WDR49: variants seen among roughly 807,000 people sequenced by gnomAD.
WDR49 encodes the protein WD repeat domain 49.
A neutral mutation model predicts 119.5 loss-of-function variants in WDR49; 107 were observed. The ratio of observed to expected loss-of-function variants is 0.90; its 90% CI spans 0.77 to 1.05. WDR49 has a LOEUF of 1.05. WDR49 is among the 50% of genes least tolerant of loss of function. The pLI is 0.00. For synonymous variants in WDR49, 425 were observed against 418.8 expected, an observed-to-expected ratio of 1.01 and a Z score of -0.18; for missense variants, 1,240 against 1,220.5, an observed-to-expected ratio of 1.02 and a Z score of -0.24.
At chr3:167,634,813 T>C (rs1717538593) in intron 2 of WDR49, among the ~76,000 whole-genome samples, 1 of 152,022 alleles carries the variant, frequency 6.6e-6, no homozygotes, top group East Asian at 1.9e-4. Context: ...ATGCTTATTA[T>C]AGAAAATGAA....
intron 7 of WDR49, among the ~76,000 whole-genome samples, chr3:167,586,784 T>G (rs1428392596): frequency 6.6e-6 from 1 of 152,174 alleles, no homozygotes; most frequent in Middle Eastern, 3.2e-3. Flanking sequence ...CATTATAATG[T>G]AATGCAAACA....
intron 9 of WDR49, among the ~76,000 whole-genome samples, chr3:167,559,163 AACT>A: frequency 6.6e-6 from 1 of 152,082 alleles, no homozygotes; most frequent in Non-Finnish European, 1.5e-5. Context: ...TGAATACCTA[AACT>A]TCTAGGATGT....
chr3:167,604,461 G>T lies in WDR49; in HGVS notation c.966C>A (p.Tyr322Ter). The change falls in exon 6 of 19, where the codon TAC (tyrosine) becomes TAA (stop). Residue 322 changes from tyrosine to a stop codon, truncating the protein, a stop_gained. Transcript: ENST00000682715. LOFTEE classifies it high-confidence loss of function. ...AAATGATAGCGTCTAAAGATGCATTGTAAGTAACTGATAAAAAATTAAAAA... is the reference window on the plus strand; with the variant it reads ...AAATGATAGCGTCTAAAGATGCATTTTAAGTAACTGATAAAAAATTAAAAA... ...HQGDWVRQVTYNASLDAIISS... is the reference protein window; with the variant it reads ...HQGDWVRQVT 6.3e-7 allele frequency: 1 copy of T among 1,597,536 alleles called. No individual in the cohort carries two copies.
intron 8 of WDR49, among the ~76,000 whole-genome samples, chr3:167,572,980 C>A (rs1437967244): frequency 6.6e-6 from 1 of 152,140 alleles, no homozygotes; most frequent in African/African-American, 2.4e-5. Context: ...CTTTCTAATT[C>A]TTCCTAACAT....
intron 18 of WDR49, among the ~76,000 whole-genome samples, chr3:167,488,211 C>T (rs1349049956): frequency 1.4e-5 from 2 of 145,024 alleles, no homozygotes; most frequent in Non-Finnish European, 3.0e-5. Context: ...TACTATGCAA[C>T]CATAAAAAAT....
At chr3:167,616,047 T>G (rs1194412060) in intron 5 of WDR49, among the ~76,000 whole-genome samples, 1 of 152,210 alleles carries the variant, frequency 6.6e-6, no homozygotes, top group African/African-American at 2.4e-5. Flanking sequence ...GAAGTTAAGT[T>G]TCTTGGGATG....
chr3:167,557,841 A>G (rs1713029761), intron 9 of WDR49, among the ~76,000 whole-genome samples: 2 of 152,182 alleles, frequency 1.3e-5, no homozygotes. Flanking sequence ...TGCCTGGTTC[A>G]TAGTGAGCAT....
chr3:167,550,778 TGAGAGAGAGAGAGAGA>T (rs757566403), intron 10 of WDR49, among the ~76,000 whole-genome samples: 1 of 144,016 alleles, frequency 6.9e-6, no homozygotes, highest in Non-Finnish European at 1.5e-5. Context: ...TTTTTTTTTT[TGAGAGAGAGAGAGAGA>T]GAGAGCTTTA....
chr3:167,488,512 A>T (rs1751009050), intron 18 of WDR49, among the ~76,000 whole-genome samples: 1 of 152,110 alleles, frequency 6.6e-6, no homozygotes, highest in African/African-American at 2.4e-5. Flanking sequence ...TCTAAAATAA[A>T]AGCTGAAATT....
chr3:167,528,838 A>G (rs1003020117), intron 14 of WDR49, among the ~76,000 whole-genome samples: 1 of 152,146 alleles, frequency 6.6e-6, no homozygotes, highest in African/African-American at 2.4e-5. Context: ...TGACTTACTT[A>G]ACAGAAGGTT....
chr3:167,562,917 A>G (rs1472734596), intron 8 of WDR49, among the ~76,000 whole-genome samples: 2 of 152,262 alleles, frequency 1.3e-5, no homozygotes, highest in African/African-American at 4.8e-5. Flanking sequence ...GCCATAAATC[A>G]TAAAAGTTAG....
chr3:167,584,407 G>A (rs1420914550), intron 7 of WDR49, among the ~76,000 whole-genome samples: 1 of 152,066 alleles, frequency 6.6e-6, no homozygotes, highest in Non-Finnish European at 1.5e-5. Context: ...TCCAAATACT[G>A]ATAGGGCTTT....
chr3:167,531,862 C>T (rs560702598), intron 12 of WDR49, among the ~76,000 whole-genome samples: 8 of 152,166 alleles, frequency 5.3e-5, no homozygotes, highest in Middle Eastern at 3.4e-3. Context: ...TCTATACAGA[C>T]GTATTTTCAA....
chr3:167,638,287 T>C (rs1388139008), intron 2 of WDR49, among the ~76,000 whole-genome samples: 1 of 151,528 alleles, frequency 6.6e-6, no homozygotes, highest in Non-Finnish European at 1.5e-5. Flanking sequence ...AATCTCAAAA[T>C]TTTATTTTCT....
chr3:167,596,794 G>A (rs1375567193), intron 7 of WDR49, among the ~76,000 whole-genome samples: 5 of 150,728 alleles, frequency 3.3e-5, no homozygotes, highest in South Asian at 2.1e-4. Flanking sequence ...TGGGTGCAGC[G>A]CACCAGCATG....
At chr3:167,657,031 C>T (rs1376861142), upstream of WDR49, among the ~76,000 whole-genome samples, 1 of 152,310 alleles carries the variant, frequency 6.6e-6, no homozygotes, top group Admixed American at 6.5e-5. Flanking sequence ...CGAATAGACA[C>T]ACCCATCTGT....
At chr3:167,563,593 G>C (rs1713410191) in intron 8 of WDR49, among the ~76,000 whole-genome samples, 1 of 152,070 alleles carries the variant, frequency 6.6e-6, no homozygotes, top group Non-Finnish European at 1.5e-5. Flanking sequence ...TTTTTGGATT[G>C]ATTGATTTGT....
rs146880701 is a variant in WDR49, at chr3:167,500,166, C to T, written c.3018G>A (p.Pro1006=). The change falls in exon 18 of 19, where the codon CCG becomes CCA. Residue 1006 remains proline (P), a synonymous_variant. Coordinates refer to ENST00000682715, the MANE Select transcript of WDR49 (RefSeq NM_001366157.1). ...CTGAGAACTTACTTTTAAAAAGTGACGGGGCCTCCAGAATTTGGGGACGCT... is the reference window on the plus strand; with the variant it reads ...CTGAGAACTTACTTTTAAAAAGTGATGGGGCCTCCAGAATTTGGGGACGCT... The part of the protein sequence containing the change: ...EEERPQILEA[P]SLFKTLKAVF... 1.8e-5 allele frequency: 28 copies of T among 1,570,092 alleles called. No homozygotes were observed. The highest frequency in any genetic ancestry group is 9.8e-5 in the African/African-American group (7 of 71,394).
intron 8 of WDR49, among the ~76,000 whole-genome samples, chr3:167,572,882 G>A (rs1409495917): frequency 2.0e-5 from 3 of 152,136 alleles, no homozygotes; most frequent in Admixed American, 6.6e-5. Context: ...AAGAAGAGAA[G>A]GAGGAGGATA....
Sources: gnomAD v4.1 joint callset for allele counts (sites outside exome capture counted in the v4.1 genomes callset) on GRCh38, gnomAD v4.1.1 for gene constraint, MANE v1.5 for transcripts, NCBI Gene and HGNC (gene_info 2026-07-23, HGNC 2026-07-21) for gene names.